Variants in GRIN2B observed in about 807,000 individuals in gnomAD.
GRIN2B encodes the protein glutamate ionotropic receptor NMDA type subunit 2B, also known as glutamate receptor ionotropic, NMDA 2B.
GRIN2B carries 5 observed loss-of-function variants against 114.5 expected under a neutral mutation model. The observed-to-expected ratio is 0.04, with a 90% CI of 0.02 to 0.09. The LOEUF (loss-of-function observed/expected upper bound fraction) is 0.09. Ranked by LOEUF, GRIN2B falls within the 10% of genes least tolerant of loss-of-function variation. The pLI is 1.00. For missense variants in GRIN2B, 1,108 were observed against 1,943.5 expected (o/e 0.57, Z 8.08); for synonymous variants, 787 against 745.1 (o/e 1.06, Z -0.92).
chr12:13,971,057 G>A (rs1049651319), intron 2 of GRIN2B, among the ~76,000 whole-genome samples: 6 of 152,168 alleles, frequency 3.9e-5, no homozygotes, highest in Non-Finnish European at 8.8e-5. Context: ...CCAGGGTAAA[G>A]GCTGCAGTAG....
In GRIN2B at chr12:13,561,553, C is replaced by G. The variant is rs151270374; in HGVS notation, c.*1230G>C. ...ATCAAAGCATTGGAAACATCCCCCTCTCTCACTTACCCTACCATACACGAC... is the reference window on the plus strand; with the variant it reads ...ATCAAAGCATTGGAAACATCCCCCTGTCTCACTTACCCTACCATACACGAC... On this transcript the variant is annotated 3_prime_UTR_variant, in exon 14 of 14. Transcript: ENST00000609686. 1.7e-3 allele frequency: 255 copies of G among 152,726 alleles called. 2 individuals are homozygous for G. Among genetic ancestry groups the G allele is most frequent in the Middle Eastern group, 3.4e-3 (1 of 294 alleles). The allele number at this position is 152,726 out of a possible 1,614,324, so 9.5% of individuals were successfully genotyped here. A position where few individuals can be genotyped will look rare whatever the true frequency, so the allele number is the denominator to read the frequency against.
intron 3 of GRIN2B, among the ~76,000 whole-genome samples, chr12:13,791,153 A>C (rs1168861287): frequency 6.6e-6 from 1 of 152,132 alleles, no homozygotes; most frequent in African/African-American, 2.4e-5. Context: ...GAATATGTTT[A>C]TGACAGCAGG....
chr12:13,627,523 G>A lies in GRIN2B; in HGVS notation c.1126-10866C>T, dbSNP rs147711273. On this transcript the variant is annotated intron_variant, in intron 5 of 13. Transcript: ENST00000609686. ...GGTGGCAGTAGTGACATTTATCATCGCCAATTTCTGTCAACATCTCAGAAG... is the reference window on the plus strand; with the variant it reads ...GGTGGCAGTAGTGACATTTATCATCACCAATTTCTGTCAACATCTCAGAAG... Among the ~76,000 whole-genome samples, 8 of 152,268 alleles carry A rather than the reference G, an allele frequency of 5.3e-5. No homozygotes were observed. The South Asian group carries it at 6.2e-4, about 12-fold the overall frequency.
At chr12:13,676,742 C>A (rs1331063537) in intron 4 of GRIN2B, among the ~76,000 whole-genome samples, 14 of 152,074 alleles carry the variant, frequency 9.2e-5, no homozygotes, top group Admixed American at 9.2e-4. Context: ...TTGCTAAGGT[C>A]TTGCCAAGCC....
At chr12:13,743,145 TA>T (rs1408838746) in intron 4 of GRIN2B, among the ~76,000 whole-genome samples, 3 of 152,162 alleles carry the variant, frequency 2.0e-5, no homozygotes, top group Non-Finnish European at 4.4e-5. Context: ...ACAAGCTTCT[TA>T]GAAGTATGTG....
chr12:13,752,806 G>A (rs546270140), intron 4 of GRIN2B, among the ~76,000 whole-genome samples: 5 of 152,270 alleles, frequency 3.3e-5, no homozygotes, highest in South Asian at 2.1e-4. Context: ...CTACAGATCC[G>A]CATAACCTGT....
rs201873254 is a variant in GRIN2B, at chr12:13,562,417, G to T, written c.*366C>A. 5 of 245,938 alleles carry T rather than the reference G, an allele frequency of 2.0e-5. No homozygotes were observed. Among genetic ancestry groups the T allele is most frequent in the Non-Finnish European group, 3.9e-5 (5 of 126,842 alleles). The allele number at this position is 245,938 out of a possible 1,614,324, so 15.2% of individuals were successfully genotyped here. On this transcript the variant is annotated 3_prime_UTR_variant, in exon 14 of 14. Transcript: ENST00000609686. ...TTTGTGCTCACATAGCCTCTTTTTGGTTCTCCCAGCTTCACTCAAAGAGGA... is the reference window on the plus strand; with the variant it reads ...TTTGTGCTCACATAGCCTCTTTTTGTTTCTCCCAGCTTCACTCAAAGAGGA...
chr12:13,618,552 C>T (rs1949474782), intron 5 of GRIN2B, among the ~76,000 whole-genome samples: 1 of 152,072 alleles, frequency 6.6e-6, no homozygotes, highest in South Asian at 2.1e-4. Context: ...ACTAAGGGTC[C>T]CCCCAGAGTC....
At chr12:13,829,895 TC>T (rs1233898542) in intron 3 of GRIN2B, among the ~76,000 whole-genome samples, 1 of 152,208 alleles carries the variant, frequency 6.6e-6, no homozygotes, top group Admixed American at 6.5e-5. Context: ...TTCTCCTTCT[TC>T]TTCCCAACAT....
intron 5 of GRIN2B, among the ~76,000 whole-genome samples, chr12:13,643,284 A>T (rs948045926): frequency 3.0e-4 from 45 of 152,050 alleles, no homozygotes; most frequent in African/African-American, 1.1e-3. Flanking sequence ...GTATTATGAT[A>T]AAAAAGTCAC....
chr12:13,952,878 T>C (rs1867516146), intron 2 of GRIN2B, among the ~76,000 whole-genome samples: 1 of 151,594 alleles, frequency 6.6e-6, no homozygotes, highest in Admixed American at 6.6e-5. Flanking sequence ...GGCATTCCAG[T>C]TCTGTAGGGC....
chr12:13,572,659 A>C (rs569936823), intron 10 of GRIN2B, among the ~76,000 whole-genome samples: 19 of 152,306 alleles, frequency 1.2e-4, no homozygotes, highest in African/African-American at 4.6e-4. Flanking sequence ...CTATGACATC[A>C]GCTTTATTTC....
At chr12:13,647,852 C>T (rs779772698) in intron 5 of GRIN2B, among the ~76,000 whole-genome samples, 1 of 152,200 alleles carries the variant, frequency 6.6e-6, no homozygotes, top group Non-Finnish European at 1.5e-5. Context: ...GAATAAGGTT[C>T]CATGCTCTGG....
At chr12:13,766,966 C>T (rs1239272511) in intron 3 of GRIN2B, among the ~76,000 whole-genome samples, 1 of 152,118 alleles carries the variant, frequency 6.6e-6, no homozygotes, top group East Asian at 1.9e-4. Flanking sequence ...ACACAAGTAG[C>T]CTAATGTTGG....
Position 13,760,389 on chromosome 12 carries a change from G to C in GRIN2B, c.412-6474C>G, listed in dbSNP as rs576011031. Among the ~76,000 whole-genome samples the C allele has an allele frequency of 8.2e-4, 125 of 152,258 alleles. 1 individual carries two copies. The highest frequency in any genetic ancestry group is 1.2e-3 in the Non-Finnish European group (84 of 68,018). ...ATGCTCTCAAATCTAACCTATCTTT[G>C]TTGGCTATCCAACTGTGATTATATT... On this transcript the variant is annotated intron_variant, in intron 3 of 13. Transcript: ENST00000609686.
intron 3 of GRIN2B, among the ~76,000 whole-genome samples, chr12:13,776,585 G>C (rs141603607): frequency 6.6e-6 from 1 of 152,022 alleles, no homozygotes; most frequent in Admixed American, 6.6e-5. Context: ...AATCTTACAC[G>C]ACAGCACACA....
chr12:13,698,223 C>T (rs1048130918), intron 4 of GRIN2B, among the ~76,000 whole-genome samples: 2 of 152,196 alleles, frequency 1.3e-5, no homozygotes, highest in African/African-American at 2.4e-5. Flanking sequence ...GGAGTTGGGG[C>T]GCGGGGCGCG....
At position 13,914,740 on chromosome 12, in the gene GRIN2B, C is replaced by G. The variant is rs189327274; in HGVS notation, c.-18-48514G>C. On this transcript the variant is annotated intron_variant, in intron 2 of 13. Coordinates refer to ENST00000609686, the MANE Select transcript of GRIN2B (RefSeq NM_000834.5). ...TGTATACAATGGAATACTATTCAAT[C>G]ATAAAAAATGAAGTCCTGTCATTTG... Among the ~76,000 whole-genome samples the G allele has an allele frequency of 6.4e-4, 97 of 152,224 alleles. 1 individual carries two copies. Among genetic ancestry groups the G allele is most frequent in the Non-Finnish European group, 1.1e-3 (74 of 67,994 alleles).
intron 4 of GRIN2B, among the ~76,000 whole-genome samples, chr12:13,718,875 T>A (rs570992340): frequency 6.2e-4 from 95 of 152,162 alleles, no homozygotes; most frequent in Non-Finnish European, 1.1e-3. Context: ...GAGCAACCTC[T>A]CTCCAACTCA....
Sources: gnomAD v4.1 joint callset for allele counts (sites outside exome capture counted in the v4.1 genomes callset) on GRCh38, gnomAD v4.1.1 for gene constraint, MANE v1.5 for transcripts, NCBI Gene and HGNC (gene_info 2026-07-23, HGNC 2026-07-21) for gene names.